Variants in STK32B observed in about 807,000 individuals in gnomAD.
STK32B encodes the protein serine/threonine-protein kinase 32B.
Under a neutral mutation model 52.6 loss-of-function variants are expected in STK32B, and 43 were observed. That is an observed-to-expected ratio of 0.82 (90% CI 0.64 to 1.05). The LOEUF is 1.05. Ranked by LOEUF, STK32B falls within the 50% of genes least tolerant of loss-of-function variation. The pLI is 0.00. For missense variants in STK32B, 621 were observed against 534.6 expected, an observed-to-expected ratio of 1.16 and a Z score of -1.59; for synonymous variants, 238 against 204.3, an observed-to-expected ratio of 1.17 and a Z score of -1.41.
intron 2 of STK32B, among the ~76,000 whole-genome samples, chr4:5,166,951 G>A (rs1315989116): frequency 6.6e-6 from 1 of 152,058 alleles, no homozygotes. Flanking sequence ...GTCCCTCCTC[G>A]GGGTGTTGGG....
Position 5,389,296 on chromosome 4 carries a change from G to A in STK32B, c.435-8911G>A, listed in dbSNP as rs377270919. On this transcript the variant is annotated intron_variant, in intron 4 of 11. Transcript: ENST00000282908. ...GTAACAATACTGCCTACCTGTGTTT[G>A]TCTGCTAAAGCTGCCATACAAAATA... Among the ~76,000 whole-genome samples the A allele has an allele frequency of 7.6e-4, 116 of 152,280 alleles. 2 individuals carry two copies. The highest frequency in any genetic ancestry group is 2.6e-3 in the African/African-American group (108 of 41,540).
chr4:5,384,421 T>A (rs1736116687), intron 4 of STK32B, among the ~76,000 whole-genome samples: 1 of 151,320 alleles, frequency 6.6e-6, no homozygotes, highest in South Asian at 2.1e-4. Context: ...GCTGGAGGTT[T>A]GAAAAGAGAG....
At chr4:5,025,083 G>A in the STK32B span, among the ~76,000 whole-genome samples, 2 of 152,066 alleles carry the variant, frequency 1.3e-5, no homozygotes, top group South Asian at 2.1e-4. Context: ...CTCCCCAGGC[G>A]CCTCTGCAGA....
At chr4:5,053,068 A>G (rs1741853096) in intron 1 of STK32B, among the ~76,000 whole-genome samples, 1 of 152,172 alleles carries the variant, frequency 6.6e-6, no homozygotes, top group South Asian at 2.1e-4. Context: ...TGGCTTCTAG[A>G]ACTCCCAAGG....
the STK32B span, among the ~76,000 whole-genome samples, chr4:5,039,293 T>C: frequency 1.3e-5 from 2 of 152,182 alleles, no homozygotes; most frequent in African/African-American, 4.8e-5. Context: ...GGCACCACAC[T>C]TGGCCACTTT....
At position 5,271,052 on chromosome 4, in the gene STK32B, C is replaced by T. The variant is rs558317623; in HGVS notation, c.261-60168C>T. On this transcript the variant is annotated intron_variant, in intron 3 of 11. Transcript: ENST00000282908. ...TCCCAGATTCAAGCAATTCTCCTGC[C>T]TCAGCCTCCTGAGTAGCTGGGACTG... 9.9e-5 allele frequency among the ~76,000 whole-genome samples: 15 copies of T among 152,178 alleles called. No homozygotes were observed. In the South Asian group the frequency reaches 3.1e-3, roughly 32 times the overall value.
rs770869176 is a variant in STK32B at position 5,179,456 on chromosome 4, A to G, written c.260+11006A>G. Among the ~76,000 whole-genome samples the G allele has an allele frequency of 9.5e-4, 145 of 152,324 alleles. 1 individual carries two copies. Among genetic ancestry groups the G allele is most frequent in the Non-Finnish European group, 4.0e-4 (27 of 68,022 alleles). On this transcript the variant is annotated intron_variant, in intron 3 of 11. Coordinates refer to ENST00000282908, the MANE Select transcript of STK32B (RefSeq NM_018401.3). ...CACCTATTATCATATATACATGCCTATATGTATGATGCATAGATGATAAAT... is the reference window on the plus strand; with the variant it reads ...CACCTATTATCATATATACATGCCTGTATGTATGATGCATAGATGATAAAT...
intron 3 of STK32B, among the ~76,000 whole-genome samples, chr4:5,327,964 C>A (rs1288599680): frequency 6.6e-6 from 1 of 152,258 alleles, no homozygotes; most frequent in Non-Finnish European, 1.5e-5. Context: ...TAACTTGCTG[C>A]AGCTTCTCCA....
At chr4:5,433,176 A>AAGAG (rs1713741878) in intron 6 of STK32B, among the ~76,000 whole-genome samples, 1 of 151,102 alleles carries the variant, frequency 6.6e-6, no homozygotes, top group Non-Finnish European at 1.5e-5. Context: ...AGAGGATAGA[A>AAGAG]AGGAGGATAG....
At chr4:5,025,096 C>T in the STK32B span, among the ~76,000 whole-genome samples, 1 of 151,724 alleles carries the variant, frequency 6.6e-6, no homozygotes, top group East Asian at 1.9e-4. Context: ...TCTGCAGAGA[C>T]CTCCGAGTAT....
chr4:5,126,012 A>G (rs1715341868), intron 1 of STK32B, among the ~76,000 whole-genome samples: 2 of 152,090 alleles, frequency 1.3e-5, no homozygotes, highest in Non-Finnish European at 1.5e-5. Flanking sequence ...TTGAGAAGCC[A>G]TCCTCCCTCC....
chr4:5,398,313 G>T lies in STK32B; in HGVS notation c.472+69G>T. Reference sequence around the variant, plus strand: ...TTTGAGGCACTGGGAAATAGTGCGGGGGTGGGGGTTGGGTCTTGCTGAGTT... The same window carrying T: ...TTTGAGGCACTGGGAAATAGTGCGGTGGTGGGGGTTGGGTCTTGCTGAGTT... On this transcript the variant is annotated intron_variant, in intron 5 of 11. Coordinates refer to ENST00000282908, the MANE Select transcript of STK32B (RefSeq NM_018401.3). The surrounding 1 kb of genome is among the most constrained non-coding windows in gnomAD (Gnocchi z 4.9). 2 of 1,557,028 alleles carry T rather than the reference G, an allele frequency of 1.3e-6. No homozygotes were observed. The highest frequency in any genetic ancestry group is 1.8e-6 in the Non-Finnish European group (2 of 1,132,058).
chr4:5,042,146 A>G, the STK32B span, among the ~76,000 whole-genome samples: 206 of 152,296 alleles, frequency 1.4e-3, no homozygotes, highest in African/African-American at 4.7e-3. Context: ...ATGTACATGT[A>G]AGTCAGAAAA....
intron 6 of STK32B, among the ~76,000 whole-genome samples, chr4:5,440,587 A>T (rs2109108167): frequency 6.6e-6 from 1 of 152,222 alleles, no homozygotes; most frequent in South Asian, 2.1e-4. Flanking sequence ...CTAATTGAAT[A>T]CCCTTTATTT....
At chr4:5,229,402 A>G (rs746040020) in intron 3 of STK32B, among the ~76,000 whole-genome samples, 3 of 152,218 alleles carry the variant, frequency 2.0e-5, no homozygotes, top group African/African-American at 7.2e-5. Context: ...TTAAATCTGT[A>G]TACAAATTCA....
At chr4:5,280,662 A>AG (rs1728132565) in intron 3 of STK32B, among the ~76,000 whole-genome samples, 1 of 152,148 alleles carries the variant, frequency 6.6e-6, no homozygotes. Context: ...TGGGAGGCCG[A>AG]GGTGGGTGGG....
chr4:5,481,323 C>A (rs959825144), intron 11 of STK32B, among the ~76,000 whole-genome samples: 1 of 152,188 alleles, frequency 6.6e-6, no homozygotes, highest in Admixed American at 6.6e-5. Flanking sequence ...TTGCATTTCT[C>A]TGATGGCCAG....
At chr4:5,133,842 C>T (rs1715913363) in intron 1 of STK32B, among the ~76,000 whole-genome samples, 2 of 152,138 alleles carry the variant, frequency 1.3e-5, no homozygotes, top group Non-Finnish European at 2.9e-5. Flanking sequence ...CTATGGCCGT[C>T]ATCCTGACTT....
rs562292469 is a variant in STK32B at position 5,394,910 on chromosome 4, C to T, written c.435-3297C>T. Among the ~76,000 whole-genome samples, 3 of 152,282 alleles carry T rather than the reference C, an allele frequency of 2.0e-5. No individual in the cohort carries two copies. Among genetic ancestry groups the T allele is most frequent in the East Asian group, 1.9e-4 (1 of 5,186 alleles). On this transcript the variant is annotated intron_variant, in intron 4 of 11. Transcript: ENST00000282908. This position sits in a 1 kb window ranked among gnomAD's most constrained non-coding sequence, Gnocchi z 4.2. ...CTCACATTTATTTTCCCTCCATTTCCGTGGCCCAGGAGTCCAGGTGGGCTT... is the reference window on the plus strand; with the variant it reads ...CTCACATTTATTTTCCCTCCATTTCTGTGGCCCAGGAGTCCAGGTGGGCTT...
Sources: gnomAD v4.1 joint callset for allele counts (sites outside exome capture counted in the v4.1 genomes callset) on GRCh38, gnomAD v4.1.1 for gene constraint, Gnocchi (gnomAD v3.1) non-coding constraint, MANE v1.5 for transcripts, NCBI Gene and HGNC (gene_info 2026-07-23, HGNC 2026-07-21) for gene names.